DPP10: variants seen among roughly 807,000 people sequenced by gnomAD.
DPP10 encodes the protein inactive dipeptidyl peptidase 10.
Under a neutral mutation model 120.9 loss-of-function variants are expected in DPP10, and 33 were observed. The ratio of observed to expected loss-of-function variants is 0.27; its 90% confidence interval spans 0.21 to 0.37. DPP10 has a LOEUF of 0.37. Ranked by LOEUF, DPP10 falls within the 10% of genes least tolerant of loss-of-function variation. The probability of loss-of-function intolerance (pLI) is 1.00; values close to 1 mark genes in which losing one functional copy is unlikely to be tolerated. For missense variants in DPP10, 816 were observed against 942.8 expected (o/e 0.87, Z 1.76); for synonymous variants, 337 against 326.1 (o/e 1.03, Z -0.36).
intron 3 of DPP10, among the ~76,000 whole-genome samples, chr2:115,474,870 C>A (rs2074973418): frequency 2.0e-5 from 3 of 152,032 alleles, no homozygotes; most frequent in Admixed American, 6.6e-5. Flanking sequence ...TTGTGGCATC[C>A]ACTCCCATAA....
intron 23 of DPP10, 25 bp from the exon 24 acceptor site, chr2:115,836,649 C>T (rs768931760): frequency 1.2e-6 from 2 of 1,610,092 alleles, no homozygotes; most frequent in South Asian, 1.1e-5. Context: ...TCTATAGATA[C>T]AGATATTTGT....
At chr2:115,067,241 T>TTTG (rs1559053777) in intron 1 of DPP10, among the ~76,000 whole-genome samples, 184 of 151,944 alleles carry the variant, frequency 1.2e-3, no homozygotes, top group African/African-American at 4.3e-3. Context: ...ATGTCCTTTT[T>TTTG]TTTGTTTGTT....
intron 1 of DPP10, among the ~76,000 whole-genome samples, chr2:115,119,658 G>A (rs1004016038): frequency 2.6e-5 from 4 of 152,272 alleles, no homozygotes; most frequent in East Asian, 1.9e-4. Flanking sequence ...TATCCAGCTA[G>A]GTCCAAGGGA....
intron 1 of DPP10, among the ~76,000 whole-genome samples, chr2:115,166,259 AAC>A (rs2052832611): frequency 6.6e-6 from 1 of 152,008 alleles, no homozygotes; most frequent in African/African-American, 2.4e-5. Context: ...TTGTTTTTAA[AAC>A]ACAACCATGA....
At chr2:114,546,581 T>C (rs1331364337) in intron 1 of DPP10, among the ~76,000 whole-genome samples, 1 of 152,154 alleles carries the variant, frequency 6.6e-6, no homozygotes, top group Non-Finnish European at 1.5e-5. Context: ...AGCTCTGAAA[T>C]GTTTTTCTGG....
intron 1 of DPP10, among the ~76,000 whole-genome samples, chr2:114,774,770 A>C (rs925853293): frequency 6.6e-6 from 1 of 151,618 alleles, no homozygotes; most frequent in African/African-American, 2.4e-5. Context: ...CTAAAGCTTC[A>C]CAAGAATAAG....
chr2:115,727,114 T>C (rs536573485), intron 7 of DPP10, among the ~76,000 whole-genome samples: 23 of 152,148 alleles, frequency 1.5e-4, no homozygotes, highest in Non-Finnish European at 2.9e-4. Flanking sequence ...CATTGTTTAG[T>C]TTGCACCATT....
intron 1 of DPP10, among the ~76,000 whole-genome samples, chr2:115,225,125 T>G (rs1163766527): frequency 1.3e-5 from 2 of 152,180 alleles, no homozygotes; most frequent in African/African-American, 4.8e-5. Context: ...GCCATTTTTT[T>G]GATAAATTCT....
chr2:115,164,545 T>C (rs1464780511), intron 1 of DPP10, among the ~76,000 whole-genome samples: 1 of 152,194 alleles, frequency 6.6e-6, no homozygotes, highest in African/African-American at 2.4e-5. Flanking sequence ...TCACTATGCA[T>C]TGATTTTGAA....
intron 1 of DPP10, among the ~76,000 whole-genome samples, chr2:114,633,294 C>T: frequency 7.7e-6 from 1 of 129,540 alleles, no homozygotes; most frequent in Non-Finnish European, 1.5e-5. Flanking sequence ...CTCTATCACC[C>T]AGGCTGGAGT....
chr2:115,245,858 A>C (rs772803680), intron 1 of DPP10, among the ~76,000 whole-genome samples: 1 of 152,142 alleles, frequency 6.6e-6, no homozygotes, highest in Non-Finnish European at 1.5e-5. Flanking sequence ...TCTTAATGAG[A>C]CCAACATTAA....
chr2:115,114,167 G>A (rs180813144), intron 1 of DPP10, among the ~76,000 whole-genome samples: 6 of 152,280 alleles, frequency 3.9e-5, no homozygotes, highest in Admixed American at 2.0e-4. Context: ...TCAAAGAACA[G>A]TATATAACAT....
At chr2:114,614,848 C>T (rs1693560400) in intron 1 of DPP10, among the ~76,000 whole-genome samples, 1 of 152,136 alleles carries the variant, frequency 6.6e-6, no homozygotes, top group Non-Finnish European at 1.5e-5. Context: ...AAAGCCTTTT[C>T]ATTAATTGTG....
chr2:115,634,764 A>C (rs1428821441), intron 5 of DPP10, among the ~76,000 whole-genome samples: 2 of 152,168 alleles, frequency 1.3e-5, no homozygotes, highest in Non-Finnish European at 2.9e-5. Flanking sequence ...CTGTGCTGGG[A>C]GGAATCCCAC....
At chr2:114,859,193 A>T (rs899616649) in intron 1 of DPP10, among the ~76,000 whole-genome samples, 3 of 151,808 alleles carry the variant, frequency 2.0e-5, no homozygotes, top group East Asian at 1.9e-4. Context: ...AAGAACAAAC[A>T]AACAAACAAA....
intron 1 of DPP10, among the ~76,000 whole-genome samples, chr2:114,726,210 T>C (rs1383137909): frequency 2.0e-5 from 3 of 146,750 alleles, no homozygotes; most frequent in Non-Finnish European, 4.5e-5. Context: ...CACTCCAGCC[T>C]GGGAAACAGA....
At chr2:115,473,820 C>T (rs149054634) in intron 3 of DPP10, among the ~76,000 whole-genome samples, 4 of 152,260 alleles carry the variant, frequency 2.6e-5, no homozygotes, top group African/African-American at 9.6e-5. Flanking sequence ...ATACAGACCT[C>T]CAAGGTGTGT....
intron 1 of DPP10, among the ~76,000 whole-genome samples, chr2:114,855,656 G>A (rs1272150814): frequency 6.6e-6 from 1 of 152,138 alleles, no homozygotes; most frequent in Non-Finnish European, 1.5e-5. Flanking sequence ...ACAAAGCTGA[G>A]TAGAGACAAG....
At chr2:115,653,756 T>TCATG (rs147649394) in intron 5 of DPP10, among the ~76,000 whole-genome samples, 2,668 of 152,054 alleles carry the variant, frequency 0.018, 84 homozygotes, top group African/African-American at 0.061. Context: ...AATGATAATG[T>TCATG]CATGGGAAAG....
Sources: gnomAD v4.1 joint callset for allele counts (sites outside exome capture counted in the v4.1 genomes callset) on GRCh38, gnomAD v4.1.1 for gene constraint, MANE v1.5 for transcripts, NCBI Gene and HGNC (gene_info 2026-07-23, HGNC 2026-07-21) for gene names.